Variants in CUL3 observed in about 807,000 individuals in gnomAD.
The protein encoded by CUL3 is cullin-3.
A neutral mutation model predicts 89.1 loss-of-function variants in CUL3; 19 were observed. That is an observed-to-expected ratio of 0.21 (90% CI 0.15 to 0.31). CUL3 has a LOEUF of 0.31. Ranked by LOEUF, CUL3 falls within the 10% of genes least tolerant of loss-of-function variation. The pLI is 1.00. For synonymous variants in CUL3, 351 were observed against 308.4 expected, an observed-to-expected ratio of 1.14 and a Z score of -1.45; for missense variants, 469 against 942.3, an observed-to-expected ratio of 0.50 and a Z score of 6.58.
chr2:224,508,445 G>C (rs1692685403), intron 6 of CUL3, among the ~76,000 whole-genome samples: 1 of 152,084 alleles, frequency 6.6e-6, no homozygotes, highest in Non-Finnish European at 1.5e-5. Context: ...AGTAAATGTG[G>C]CACACCAAAT....
intron 3 of CUL3, among the ~76,000 whole-genome samples, chr2:224,521,432 T>C (rs1033447283): frequency 6.6e-6 from 1 of 151,644 alleles, no homozygotes; most frequent in African/African-American, 2.4e-5. Context: ...GTTTCATACT[T>C]CTTTTTTTTT....
At chr2:224,498,418 G>A (rs888702576) in intron 11 of CUL3, among the ~76,000 whole-genome samples, 1 of 152,026 alleles carries the variant, frequency 6.6e-6, no homozygotes, top group Admixed American at 6.6e-5. Context: ...TCCAAAGCCT[G>A]AGCCACTCTG....
intron 2 of CUL3, among the ~76,000 whole-genome samples, chr2:224,555,029 G>A (rs186804208): frequency 4.7e-4 from 72 of 152,074 alleles, no homozygotes; most frequent in African/African-American, 1.6e-3. Flanking sequence ...CTCAGTATAC[G>A]TTACCAAATG....
In CUL3 at chr2:224,535,591, T is replaced by C; in HGVS notation, c.315A>G (p.Leu105=). 11 of 1,613,154 alleles carry C rather than the reference T, an allele frequency of 6.8e-6. No individual in the cohort carries two copies. The highest frequency in any genetic ancestry group is 9.3e-6 in the Non-Finnish European group (11 of 1,179,480). The change falls in exon 3 of 16, where the codon CTA becomes CTG. Residue 105 remains leucine, a synonymous_variant. Coordinates refer to ENST00000264414, the MANE Select transcript of CUL3 (RefSeq NM_003590.5). ...TTTGATGATCATTCCAAGCTTGATT[T>C]AGCGTTTGAAGAAAGTTGTTATTCA... ...NSLNNNFLQT[L]NQAWNDHQTA...
In CUL3 at chr2:224,473,958, T is replaced by C. The variant is rs1190569072; in HGVS notation, c.*287A>G. ...TGAGCTGTATTTTCTAAATTTCTCT[T>C]TTATTTTCCTGTTTTCATACAGTAA... On this transcript the variant is annotated 3_prime_UTR_variant, in exon 16 of 16. Transcript: ENST00000264414. 3 of 264,554 alleles carry C rather than the reference T, an allele frequency of 1.1e-5. No individual in the cohort carries two copies. The highest frequency in any genetic ancestry group is 1.4e-5 in the Non-Finnish European group (2 of 138,878). 16.4% of individuals were successfully genotyped at this position (264,554 alleles called of 1,614,324 possible).
intron 2 of CUL3, among the ~76,000 whole-genome samples, chr2:224,541,752 G>C (rs1694114438): frequency 6.6e-6 from 1 of 152,018 alleles, no homozygotes; most frequent in South Asian, 2.1e-4. Context: ...AGAATAGTTT[G>C]GATCAATCTC....
At chr2:224,521,799 A>C (rs1474897785) in intron 3 of CUL3, among the ~76,000 whole-genome samples, 1 of 152,002 alleles carries the variant, frequency 6.6e-6, no homozygotes, top group Non-Finnish European at 1.5e-5. Flanking sequence ...TATTTAGGAA[A>C]AAAAAAAAAG....
chr2:224,557,363 GAA>G (rs145172584), intron 2 of CUL3, among the ~76,000 whole-genome samples: 2 of 151,720 alleles, frequency 1.3e-5, no homozygotes, highest in South Asian at 2.1e-4. Flanking sequence ...TCATTTTAAG[GAA>G]AAAAATTCCT....
intron 2 of CUL3, among the ~76,000 whole-genome samples, chr2:224,552,550 C>A (rs894298719): frequency 6.6e-6 from 1 of 152,176 alleles, no homozygotes. Context: ...AAAGAGATGT[C>A]CTCTCTGAAG....
intron 3 of CUL3, among the ~76,000 whole-genome samples, chr2:224,526,454 T>C (rs572167639): frequency 1.3e-5 from 2 of 150,910 alleles, no homozygotes; most frequent in African/African-American, 2.4e-5. Flanking sequence ...GACGTGGTGG[T>C]GGGCGCCTGT....
chr2:224,510,216 T>A (rs539603084), intron 6 of CUL3, among the ~76,000 whole-genome samples: 11 of 142,596 alleles, frequency 7.7e-5, no homozygotes, highest in African/African-American at 2.6e-4. Context: ...CTAGATGACT[T>A]CTGTTTTTTT....
At chr2:224,527,392 T>A (rs1488709068) in intron 3 of CUL3, among the ~76,000 whole-genome samples, 1 of 152,170 alleles carries the variant, frequency 6.6e-6, no homozygotes, top group Non-Finnish European at 1.5e-5. Context: ...TATGTTCTTA[T>A]CCTATCTTCT....
rs1472919606 is a variant in CUL3 at position 224,551,244 on chromosome 2, C to T, written c.264+6415G>A. Among the ~76,000 whole-genome samples the T allele has an allele frequency of 2.7e-5, 4 of 146,592 alleles. No individual in the cohort carries two copies. In the East Asian group the frequency reaches 6.0e-4, roughly 22 times the overall value. ...TTTTTGAGACGGAGTCTCACTCTGT[C>T]GCCCAGGCTGGAGTGCAGTGGTGTG... On this transcript the variant is annotated intron_variant, in intron 2 of 15. Coordinates refer to ENST00000264414, the MANE Select transcript of CUL3 (RefSeq NM_003590.5).
chr2:224,535,314 C>A (rs1693850147), intron 3 of CUL3, among the ~76,000 whole-genome samples: 1 of 152,164 alleles, frequency 6.6e-6, no homozygotes, highest in African/African-American at 2.4e-5. Context: ...GCTGGGATTA[C>A]AGGTGCCCAC....
chr2:224,492,349 T>C (rs992905596), intron 13 of CUL3, among the ~76,000 whole-genome samples: 10 of 152,306 alleles, frequency 6.6e-5, no homozygotes, highest in African/African-American at 2.4e-4. Context: ...TGAAGTTATG[T>C]CCCTAATGAT....
intron 1 of CUL3, among the ~76,000 whole-genome samples, chr2:224,561,114 T>A (rs979067784): frequency 6.6e-6 from 1 of 152,138 alleles, no homozygotes; most frequent in African/African-American, 2.4e-5. Context: ...CCAACCCACA[T>A]TCTTCATTAT....
intron 3 of CUL3, among the ~76,000 whole-genome samples, chr2:224,519,648 T>A (rs995904862): frequency 2.6e-4 from 40 of 152,158 alleles, no homozygotes; most frequent in Non-Finnish European, 4.9e-4. Context: ...TAAATAATCA[T>A]TTATATTAAA....
rs148232770 is a variant in CUL3, at chr2:224,543,010, A to G, written c.265-7369T>C. ...AGTTCTCCCATACCCCACAACACACATAATTGTTTTTAATCATTAATTAAA... is the reference window on the plus strand; with the variant it reads ...AGTTCTCCCATACCCCACAACACACGTAATTGTTTTTAATCATTAATTAAA... On this transcript the variant is annotated intron_variant, in intron 2 of 15. Transcript: ENST00000264414. Among the ~76,000 whole-genome samples, 424 of 152,356 alleles carry G rather than the reference A, an allele frequency of 2.8e-3. 9 individuals are homozygous for G. The East Asian group carries it at 0.038, about 14-fold the overall frequency.
chr2:224,537,817 A>T (rs1693951050), intron 2 of CUL3, among the ~76,000 whole-genome samples: 1 of 152,172 alleles, frequency 6.6e-6, no homozygotes, highest in Non-Finnish European at 1.5e-5. Context: ...CATTAAAATC[A>T]CCCTGAATTT....
Sources: gnomAD v4.1 joint callset for allele counts (sites outside exome capture counted in the v4.1 genomes callset) on GRCh38, gnomAD v4.1.1 for gene constraint, MANE v1.5 for transcripts, NCBI Gene and HGNC (gene_info 2026-07-23, HGNC 2026-07-21) for gene names.